Variants in AFAP1L2 observed in about 807,000 individuals in gnomAD.
AFAP1L2 encodes actin filament-associated protein 1-like 2.
In AFAP1L2, 46 loss-of-function variants were observed where a neutral mutation model predicts 99.3. The observed-to-expected ratio is 0.46, with a 90% CI of 0.37 to 0.59. The LOEUF is 0.59. Ranked by LOEUF, AFAP1L2 falls within the 20% of genes least tolerant of loss-of-function variation. The pLI, the probability that AFAP1L2 is intolerant of heterozygous loss-of-function variation, is 0.00. For missense variants in AFAP1L2, 959 were observed against 1,034.9 expected, an observed-to-expected ratio of 0.93 and a Z score of 1.01; for synonymous variants, 397 against 419.1, an observed-to-expected ratio of 0.95 and a Z score of 0.64.
chr10:114,296,972 G>A lies in AFAP1L2; in HGVS notation c.2430+6C>T. ...GCCCCAAGGGAGGCTGGGAGTGACT[G>A]CTTACCTTGGCTTTCTGGAGTACAG... On this transcript the variant is annotated splice_donor_region_variant and intron_variant, in intron 18 of 18. Coordinates refer to ENST00000304129, the MANE Select transcript of AFAP1L2 (RefSeq NM_001001936.3). 1 of 1,614,142 alleles carries A rather than the reference G, an allele frequency of 6.2e-7. No homozygotes were observed. Among genetic ancestry groups the A allele is most frequent in the Non-Finnish European group, 8.5e-7 (1 of 1,180,014 alleles).
At chr10:114,382,407 T>C (rs2055766472) in intron 1 of AFAP1L2, among the ~76,000 whole-genome samples, 1 of 152,058 alleles carries the variant, frequency 6.6e-6, no homozygotes, top group Non-Finnish European at 1.5e-5. Context: ...CTAAAAAAGT[T>C]GATCACATGG....
intron 1 of AFAP1L2, among the ~76,000 whole-genome samples, chr10:114,352,492 A>AAAAAAAT: frequency 6.7e-6 from 1 of 150,372 alleles, no homozygotes; most frequent in East Asian, 1.9e-4. Context: ...AAAAAAAAAA[A>AAAAAAAT]AAAAAAAGCA....
chr10:114,350,951 C>T (rs2050380694), intron 1 of AFAP1L2, among the ~76,000 whole-genome samples: 1 of 152,150 alleles, frequency 6.6e-6, no homozygotes, highest in Admixed American at 6.5e-5. Flanking sequence ...TTAAGACATT[C>T]CTTAAATGCA....
At chr10:114,394,237 C>T (rs143991810) in intron 1 of AFAP1L2, among the ~76,000 whole-genome samples, 1 of 152,174 alleles carries the variant, frequency 6.6e-6, no homozygotes, top group African/African-American at 2.4e-5. Context: ...AGAAGTGACA[C>T]CCTTTAGGGC....
intron 6 of AFAP1L2, among the ~76,000 whole-genome samples, chr10:114,314,749 G>GT (rs2043837998): frequency 6.6e-6 from 1 of 152,272 alleles, no homozygotes; most frequent in Non-Finnish European, 1.5e-5. Flanking sequence ...TGTTGTCAGA[G>GT]TAATGTCTGG....
chr10:114,340,010 CAAA>C (rs3061677), intron 2 of AFAP1L2, among the ~76,000 whole-genome samples: 2 of 117,796 alleles, frequency 1.7e-5, no homozygotes, highest in African/African-American at 3.4e-5. Flanking sequence ...GACCCCGTCT[CAAA>C]AAAAAAAAAA....
At chr10:114,373,748 G>A (rs1390933431) in intron 1 of AFAP1L2, among the ~76,000 whole-genome samples, 1 of 152,142 alleles carries the variant, frequency 6.6e-6, no homozygotes, top group Admixed American at 6.6e-5. Context: ...CATTCACTTG[G>A]TGGCCAGCAG....
intron 1 of AFAP1L2, among the ~76,000 whole-genome samples, chr10:114,402,566 T>A (rs1417954809): frequency 6.6e-6 from 1 of 152,214 alleles, no homozygotes; most frequent in African/African-American, 2.4e-5. Flanking sequence ...GGCAGATACA[T>A]GTGTTACCAA....
intron 1 of AFAP1L2, among the ~76,000 whole-genome samples, chr10:114,383,874 C>G (rs2056083268): frequency 2.0e-5 from 3 of 152,180 alleles, no homozygotes; most frequent in Non-Finnish European, 4.4e-5. Context: ...CGCAGGCTGA[C>G]AGAGGCTCTC....
downstream of AFAP1L2, chr10:114,291,628 C>T (rs1201878005): frequency 2.1e-5 from 4 of 195,028 alleles, no homozygotes; most frequent in Non-Finnish European, 4.2e-5. Context: ...AATCAATGCT[C>T]GCCAGAATGT....
intron 5 of AFAP1L2, among the ~76,000 whole-genome samples, chr10:114,318,740 A>AAAAG: frequency 8.0e-6 from 1 of 125,476 alleles, no homozygotes; most frequent in Admixed American, 7.8e-5. Context: ...GACTCTGTCT[A>AAAAG]AAAAAAAGAA....
Position 114,334,849 on chromosome 10 carries a change from G to A in AFAP1L2, c.146-1554C>T, listed in dbSNP as rs150616104. The stretch of plus-strand genomic sequence containing the variant: ...ACGGGGTCTCAACCAAAGCTTTGCC[G>A]TAACGGCATCATTCTGGGCAAAGCA... On this transcript the variant is annotated intron_variant, in intron 2 of 18. Transcript: ENST00000304129. Among the ~76,000 whole-genome samples, 453 of 152,358 alleles carry A rather than the reference G, an allele frequency of 3.0e-3. 2 individuals are homozygous for A. Among genetic ancestry groups the A allele is most frequent in the African/African-American group, 0.01 (435 of 41,580 alleles).
intron 1 of AFAP1L2, among the ~76,000 whole-genome samples, chr10:114,360,586 C>CAGACAGACAGACAGACAGGTAGACAGAT (rs762587747): frequency 1.7e-4 from 26 of 148,740 alleles, no homozygotes; most frequent in African/African-American, 4.9e-4. Context: ...GATAGACAGA[C>CAGACAGACAGACAGACAGGTAGACAGAT]CGACCTACTG....
intron 1 of AFAP1L2, among the ~76,000 whole-genome samples, chr10:114,352,468 T>C (rs2050663882): frequency 6.1e-5 from 1 of 16,432 alleles, no homozygotes; most frequent in Non-Finnish European, 1.5e-4. Flanking sequence ...AGCAAGACTC[T>C]GTCTCCAAAT....
At chr10:114,362,833 T>C (rs2052636573) in intron 1 of AFAP1L2, 1 of 668,014 alleles carries the variant, frequency 1.5e-6, no homozygotes, top group Admixed American at 6.3e-5. Flanking sequence ...CACTGGATTA[T>C]AAGAATTTGA....
chr10:114,316,368 A>G (rs2044145679), intron 5 of AFAP1L2, among the ~76,000 whole-genome samples: 1 of 152,180 alleles, frequency 6.6e-6, no homozygotes. Flanking sequence ...ACAGCAGGAA[A>G]CACTTTCTGG....
intron 7 of AFAP1L2, among the ~76,000 whole-genome samples, chr10:114,311,671 A>G (rs1472604568): frequency 6.6e-6 from 1 of 152,206 alleles, no homozygotes; most frequent in Non-Finnish European, 1.5e-5. Context: ...AAATACACGG[A>G]TGGCCCTGCC....
chr10:114,360,135 T>C (rs987144341), intron 1 of AFAP1L2, among the ~76,000 whole-genome samples: 4 of 152,100 alleles, frequency 2.6e-5, no homozygotes, highest in African/African-American at 9.7e-5. Flanking sequence ...ATGGCCCCTC[T>C]ATGTGACTGG....
chr10:114,369,942 G>A (rs947277494), intron 1 of AFAP1L2, among the ~76,000 whole-genome samples: 5 of 152,178 alleles, frequency 3.3e-5, no homozygotes, highest in Non-Finnish European at 7.4e-5. Flanking sequence ...CATACAGGAT[G>A]TAGAGGGTAG....
Sources: gnomAD v4.1 joint callset for allele counts (sites outside exome capture counted in the v4.1 genomes callset) on GRCh38, gnomAD v4.1.1 for gene constraint, MANE v1.5 for transcripts, NCBI Gene and HGNC (gene_info 2026-07-23, HGNC 2026-07-21) for gene names.